GPC5: variants seen among roughly 807,000 people sequenced by gnomAD.
GPC5 encodes glypican-5.
A neutral mutation model predicts 53.9 loss-of-function variants in GPC5; 47 were observed. The observed-to-expected ratio is 0.87, with a 90% confidence interval of 0.69 to 1.11. The LOEUF (loss-of-function observed/expected upper bound fraction) is 1.11. Among genes scored for constraint, GPC5 ranks in the 50% most tolerant of loss-of-function variants. The pLI is 0.00. For synonymous variants in GPC5, 286 were observed against 263.3 expected (o/e 1.09, Z -0.84); for missense variants, 748 against 713.1 (o/e 1.05, Z -0.56).
At chr13:92,027,888 A>G (rs2040812440) in intron 6 of GPC5, among the ~76,000 whole-genome samples, 1 of 152,162 alleles carries the variant, frequency 6.6e-6, no homozygotes, top group African/African-American at 2.4e-5. Context: ...CCAAATACCA[A>G]TATGTCTTAT....
intron 6 of GPC5, among the ~76,000 whole-genome samples, chr13:92,040,055 C>A (rs968665804): frequency 1.3e-5 from 2 of 152,118 alleles, no homozygotes; most frequent in Non-Finnish European, 2.9e-5. Context: ...AGGATGTTGA[C>A]AAAAACAATG....
chr13:92,561,665 G>A (rs543124888), intron 7 of GPC5, among the ~76,000 whole-genome samples: 97 of 152,098 alleles, frequency 6.4e-4, no homozygotes, highest in African/African-American at 2.2e-3. Context: ...TACCAACCAA[G>A]CTTTTCTTCT....
intron 7 of GPC5, among the ~76,000 whole-genome samples, chr13:92,785,223 C>A (rs568185034): frequency 7.9e-5 from 12 of 152,234 alleles, no homozygotes; most frequent in African/African-American, 2.9e-4. Context: ...TTGCAGTGAG[C>A]CAAGATCAGG....
At chr13:91,601,491 C>T (rs531195319) in intron 2 of GPC5, among the ~76,000 whole-genome samples, 32 of 152,234 alleles carry the variant, frequency 2.1e-4, no homozygotes, top group African/African-American at 6.5e-4. Flanking sequence ...TGTTAGGAAC[C>T]GGGCCACATA....
Position 92,301,734 on chromosome 13 carries a change from G to GA in GPC5, c.1561+156752dup, listed in dbSNP as rs533905022. 4.0e-4 allele frequency among the ~76,000 whole-genome samples: 61 copies of GA among 151,472 alleles called. 1 individual carries two copies. The South Asian group carries it at 4.8e-3, about 12-fold the overall frequency. On this transcript the variant is annotated intron_variant, in intron 7 of 7. Coordinates refer to ENST00000377067, the MANE Select transcript of GPC5 (RefSeq NM_004466.6). ...AACCCTGTCTGTACTAAAAGAAAAA[G>GA]AAAAAAATCAGTAAAAGAAAAAATC...
intron 7 of GPC5, among the ~76,000 whole-genome samples, chr13:92,844,408 T>A (rs1878531935): frequency 6.6e-6 from 1 of 152,136 alleles, no homozygotes; most frequent in African/African-American, 2.4e-5. Flanking sequence ...GTACAGAATG[T>A]GAGAGTACTT....
chr13:91,422,744 C>A (rs55829233), intron 1 of GPC5, among the ~76,000 whole-genome samples: 1,754 of 152,196 alleles, frequency 0.012, 38 homozygotes, highest in African/African-American at 0.041. Context: ...TCTGCAGAGT[C>A]CTGAGATGCT....
At chr13:92,245,607 A>C (rs1161783083) in intron 7 of GPC5, among the ~76,000 whole-genome samples, 2 of 152,176 alleles carry the variant, frequency 1.3e-5, no homozygotes, top group Non-Finnish European at 2.9e-5. Flanking sequence ...TTTAAAAGGA[A>C]TATTTTTAGG....
chr13:92,556,362 A>C (rs1882493618), intron 7 of GPC5, among the ~76,000 whole-genome samples: 1 of 151,836 alleles, frequency 6.6e-6, no homozygotes, highest in African/African-American at 2.4e-5. Context: ...AATAGTCTGG[A>C]CTTTCAAAAA....
chr13:92,731,459 T>C (rs917396241), intron 7 of GPC5, among the ~76,000 whole-genome samples: 2 of 151,358 alleles, frequency 1.3e-5, no homozygotes, highest in African/African-American at 2.4e-5. Flanking sequence ...GCAAATACTT[T>C]GCAAATTATA....
At chr13:91,400,501 G>A (rs928551893) in intron 1 of GPC5, among the ~76,000 whole-genome samples, 3 of 152,124 alleles carry the variant, frequency 2.0e-5, no homozygotes, top group African/African-American at 7.2e-5. Context: ...ATAAAATATC[G>A]CCTTATAGAT....
chr13:92,826,007 T>C (rs1236072526), intron 7 of GPC5, among the ~76,000 whole-genome samples: 1 of 152,126 alleles, frequency 6.6e-6, no homozygotes, highest in Admixed American at 6.6e-5. Context: ...CATCTTGCCA[T>C]GACAGACAAT....
intron 4 of GPC5, among the ~76,000 whole-genome samples, chr13:91,739,417 G>A (rs115754150): frequency 0.012 from 1,788 of 151,378 alleles, 148 homozygotes; most frequent in African/African-American, 0.041. Flanking sequence ...ATTCCAAAAC[G>A]TAGTGGCTTA....
At chr13:91,906,920 T>C (rs1294254313) in intron 5 of GPC5, among the ~76,000 whole-genome samples, 1 of 151,528 alleles carries the variant, frequency 6.6e-6, no homozygotes, top group Non-Finnish European at 1.5e-5. Flanking sequence ...TGCTTAAAAA[T>C]TTGATTATTT....
In GPC5 at chr13:92,033,070, TG is replaced by T. The variant is rs1566404189; in HGVS notation, c.1402-111759del. Reference sequence around the variant, plus strand: ...GTGTGTGTGTGTGTGTGTGTGTGTGTGTGTGCTTCTCATTGAACCATATCAG... The same window carrying T: ...GTGTGTGTGTGTGTGTGTGTGTGTGTTGTGCTTCTCATTGAACCATATCAG... On this transcript the variant is annotated intron_variant, in intron 6 of 7. Coordinates refer to ENST00000377067, the MANE Select transcript of GPC5 (RefSeq NM_004466.6). Among the ~76,000 whole-genome samples the T allele has an allele frequency of 4.6e-5, 7 of 151,186 alleles. No individual in the cohort carries two copies. The East Asian group carries it at 1.4e-3, about 29-fold the overall frequency.
chr13:92,856,475 T>C (rs1258118366), intron 7 of GPC5, among the ~76,000 whole-genome samples: 1 of 151,974 alleles, frequency 6.6e-6, no homozygotes, highest in African/African-American at 2.4e-5. Flanking sequence ...CAATGTAATA[T>C]TGAAAGTGCC....
intron 7 of GPC5, among the ~76,000 whole-genome samples, chr13:92,278,253 G>A (rs2042889928): frequency 1.3e-5 from 2 of 151,630 alleles, no homozygotes; most frequent in Non-Finnish European, 3.0e-5. Flanking sequence ...AACTACTTTT[G>A]TTTGCAGACA....
At chr13:92,780,667 C>T (rs1875989671) in intron 7 of GPC5, among the ~76,000 whole-genome samples, 1 of 148,586 alleles carries the variant, frequency 6.7e-6, no homozygotes. Context: ...TTGGTGCCCT[C>T]TTTGTGCAGA....
intron 2 of GPC5, among the ~76,000 whole-genome samples, chr13:91,595,226 C>T (rs1297532593): frequency 6.6e-6 from 1 of 151,832 alleles, no homozygotes; most frequent in African/African-American, 2.4e-5. Context: ...ACCATGTTGG[C>T]CAGGATGGCC....
Sources: allele counts gnomAD v4.1 joint callset (sites outside exome capture counted in the v4.1 genomes callset), GRCh38; gene constraint gnomAD v4.1.1; transcripts MANE v1.5; gene names NCBI Gene and HGNC (gene_info 2026-07-23, HGNC 2026-07-21).